CNTN4: variants seen among roughly 807,000 people sequenced by gnomAD.
The protein encoded by CNTN4 is contactin-4.
A neutral mutation model predicts 122.5 loss-of-function variants in CNTN4; 77 were observed. The ratio of observed to expected loss-of-function variants is 0.63; its 90% confidence interval spans 0.52 to 0.76. The LOEUF is 0.76. CNTN4 is among the 30% of genes least tolerant of loss of function. The pLI, the probability that CNTN4 is intolerant of heterozygous loss-of-function variation, is 0.00. For missense variants in CNTN4, 1,256 were observed against 1,259.1 expected (o/e 1.00, Z 0.04); for synonymous variants, 512 against 447.0 (o/e 1.15, Z -1.83).
chr3:2,947,657 A>G (rs1347409447), intron 13 of CNTN4, among the ~76,000 whole-genome samples: 2 of 152,168 alleles, frequency 1.3e-5, no homozygotes, highest in East Asian at 1.9e-4. Flanking sequence ...TTGCTCTGTC[A>G]TACTGACGTG....
chr3:2,273,907 T>G (rs1464431679), intron 2 of CNTN4, among the ~76,000 whole-genome samples: 1 of 152,238 alleles, frequency 6.6e-6, no homozygotes, highest in Non-Finnish European at 1.5e-5. Context: ...AATTTCTTTT[T>G]CTTTGCCTTC....
intron 3 of CNTN4, among the ~76,000 whole-genome samples, chr3:2,464,518 A>G (rs1013366106): frequency 5.3e-5 from 8 of 152,232 alleles, no homozygotes. Context: ...GGGGAAACAG[A>G]GGGAGGAAGA....
chr3:2,145,947 G>GT (rs11425675), intron 2 of CNTN4, among the ~76,000 whole-genome samples: 54,903 of 148,666 alleles, frequency 0.37, 10,240 homozygotes, highest in Admixed American at 0.46. Context: ...ATCATTCTTA[G>GT]TTTTTTTTTT....
At chr3:2,281,904 C>T (rs1294412581) in intron 2 of CNTN4, among the ~76,000 whole-genome samples, 1 of 152,184 alleles carries the variant, frequency 6.6e-6, no homozygotes, top group East Asian at 1.9e-4. Context: ...ACTCTACTGA[C>T]TCAAAAACAA....
At chr3:2,902,167 T>C (rs1202615790) in intron 11 of CNTN4, among the ~76,000 whole-genome samples, 2 of 152,164 alleles carry the variant, frequency 1.3e-5, no homozygotes, top group Non-Finnish European at 2.9e-5. Flanking sequence ...TATATATATG[T>C]AGAATGGCAG....
At chr3:2,177,268 A>G (rs1240333269) in intron 2 of CNTN4, among the ~76,000 whole-genome samples, 3 of 152,182 alleles carry the variant, frequency 2.0e-5, no homozygotes, top group Non-Finnish European at 4.4e-5. Flanking sequence ...GATGGAATTC[A>G]ACATTTTCAA....
intron 2 of CNTN4, among the ~76,000 whole-genome samples, chr3:2,334,462 T>A (rs910023489): frequency 6.6e-6 from 1 of 152,112 alleles, no homozygotes; most frequent in African/African-American, 2.4e-5. Flanking sequence ...CCTGGCCCAT[T>A]TTATCTTTTG....
At chr3:2,363,425 A>G (rs906555183) in intron 3 of CNTN4, among the ~76,000 whole-genome samples, 14 of 152,236 alleles carry the variant, frequency 9.2e-5, no homozygotes, top group African/African-American at 3.1e-4. Flanking sequence ...ATTGGTAAAC[A>G]TGCTGTTAGA....
In CNTN4 at chr3:2,292,424, T is replaced by C. The variant is rs545746639; in HGVS notation, c.-144-46754T>C. Among the ~76,000 whole-genome samples the C allele has an allele frequency of 2.5e-4, 38 of 152,358 alleles. 1 individual carries two copies. The highest frequency in any genetic ancestry group is 2.1e-3 in the Admixed American group (32 of 15,310). ...GACAACTTTGTTTTGCTTTGTTTTA[T>C]TGAATTTTTCAGGATTATTTGTATG... On this transcript the variant is annotated intron_variant, in intron 2 of 24. Transcript: ENST00000418658.
At chr3:2,232,815 C>G (rs891064147) in intron 2 of CNTN4, among the ~76,000 whole-genome samples, 1 of 152,096 alleles carries the variant, frequency 6.6e-6, no homozygotes, top group Non-Finnish European at 1.5e-5. Flanking sequence ...TCTTATCACT[C>G]TCTACCTCTA....
intron 4 of CNTN4, among the ~76,000 whole-genome samples, chr3:2,601,530 T>G (rs2081047546): frequency 6.6e-6 from 1 of 152,200 alleles, no homozygotes; most frequent in Admixed American, 6.5e-5. Flanking sequence ...GTATTATTTC[T>G]GAGGGCTCTG....
At chr3:2,976,376 G>A (rs1205243919) in intron 13 of CNTN4, among the ~76,000 whole-genome samples, 1 of 152,132 alleles carries the variant, frequency 6.6e-6, no homozygotes, top group Non-Finnish European at 1.5e-5. Context: ...GGGTCTGAAC[G>A]CAGCTTGTTC....
chr3:2,132,381 T>C (rs997917281), intron 2 of CNTN4: 12 of 152,134 alleles, frequency 7.9e-5, no homozygotes, highest in Non-Finnish European at 1.0e-4. Flanking sequence ...GGGGCAATAA[T>C]CCACGGTAAT....
intron 2 of CNTN4, among the ~76,000 whole-genome samples, chr3:2,323,026 C>T (rs2043323893): frequency 6.6e-6 from 1 of 152,086 alleles, no homozygotes; most frequent in East Asian, 1.9e-4. Flanking sequence ...CCAAAATTGC[C>T]ATCTCAGCTA....
At chr3:2,401,734 T>C (rs1336458895) in intron 3 of CNTN4, among the ~76,000 whole-genome samples, 1 of 152,234 alleles carries the variant, frequency 6.6e-6, no homozygotes, top group East Asian at 1.9e-4. Flanking sequence ...GTTGTTTCTA[T>C]AGCTAATAAT....
intron 2 of CNTN4, among the ~76,000 whole-genome samples, chr3:2,123,244 C>T (rs576303731): frequency 2.5e-4 from 38 of 152,304 alleles, no homozygotes; most frequent in Non-Finnish European, 4.1e-4. Flanking sequence ...CCTCACTTTA[C>T]AATTTTGGAA....
chr3:2,163,289 TG>T lies in CNTN4; in HGVS notation c.-145+62652del, dbSNP rs559219634. On this transcript the variant is annotated intron_variant, in intron 2 of 24. Coordinates refer to ENST00000418658, the MANE Select transcript of CNTN4 (RefSeq NM_175607.3). ...ATTCAATAAATGGTGCAGGGAAAAC[TG>T]GCAAGCCACATGTAGAAGAATGAAG... Among the ~76,000 whole-genome samples, 3 of 152,294 alleles carry T rather than the reference TG, an allele frequency of 2.0e-5. 1 individual carries two copies. In the East Asian group the frequency reaches 5.8e-4, roughly 29 times the overall value.
chr3:2,927,844 C>A (rs1266753096), intron 13 of CNTN4, among the ~76,000 whole-genome samples: 4 of 152,154 alleles, frequency 2.6e-5, no homozygotes, highest in African/African-American at 9.7e-5. Context: ...CTATTTATCG[C>A]CTCCACCTTC....
At chr3:2,261,104 C>G (rs991476250) in intron 2 of CNTN4, among the ~76,000 whole-genome samples, 13 of 152,028 alleles carry the variant, frequency 8.6e-5, no homozygotes, top group Admixed American at 7.2e-4. Flanking sequence ...AACTAAATTG[C>G]AATTGTCAAA....
Sources: allele counts gnomAD v4.1 joint callset (sites outside exome capture counted in the v4.1 genomes callset), GRCh38; gene constraint gnomAD v4.1.1; transcripts MANE v1.5; gene names NCBI Gene and HGNC (gene_info 2026-07-23, HGNC 2026-07-21).